The following FBXW8 variants were observed in gnomAD, a reference collection of about 807,000 sequenced individuals.
FBXW8 encodes F-box/WD repeat-containing protein 8.
A neutral mutation model predicts 65.3 loss-of-function variants in FBXW8; 57 were observed. That is an observed-to-expected ratio of 0.87 (90% CI 0.71 to 1.09). The LOEUF (loss-of-function observed/expected upper bound fraction) is 1.09. Among genes scored for constraint, FBXW8 ranks in the 50% least tolerant of loss-of-function variants. The probability of loss-of-function intolerance (pLI) is 0.00; values close to 1 mark genes in which losing one functional copy is unlikely to be tolerated. For missense variants in FBXW8, 777 were observed against 814.8 expected (o/e 0.95, Z 0.57); for synonymous variants, 308 against 330.2 (o/e 0.93, Z 0.73).
chr12:117,028,785 TTG>T lies in FBXW8; in HGVS notation c.*617_*618del, dbSNP rs1954297841. The stretch of plus-strand genomic sequence containing the variant: ...TCATCAATGACTATTTTGCTTACTA[TTG>T]TGTCTATGATATGTGATACAAAGCA... On this transcript the variant is annotated 3_prime_UTR_variant, in exon 11 of 11. Coordinates refer to ENST00000652555, the MANE Select transcript of FBXW8 (RefSeq NM_153348.3). The surrounding 1 kb of genome is among the most constrained non-coding windows in gnomAD (Gnocchi z 4.1). 1.3e-5 allele frequency: 2 copies of T among 153,248 alleles called. No individual in the cohort carries two copies. Among genetic ancestry groups the T allele is most frequent in the Admixed American group, 1.3e-4 (2 of 15,468 alleles). 9.5% of individuals were successfully genotyped at this position (153,248 alleles called of 1,614,324 possible).
intron 4 of FBXW8, among the ~76,000 whole-genome samples, chr12:116,954,153 A>G (rs575413447): frequency 4.8e-4 from 72 of 151,514 alleles, no homozygotes; most frequent in Non-Finnish European, 9.0e-4. Context: ...AGTGGTAAAA[A>G]CCATGTTGTT....
intron 8 of FBXW8, among the ~76,000 whole-genome samples, chr12:117,018,702 T>C (rs2135718989): frequency 6.6e-6 from 1 of 152,358 alleles, no homozygotes; most frequent in African/African-American, 2.4e-5. Flanking sequence ...TATTTTTTTT[T>C]CCTTAGTGAT....
chr12:117,020,887 G>T (rs963965174), intron 8 of FBXW8, among the ~76,000 whole-genome samples: 14 of 152,184 alleles, frequency 9.2e-5, no homozygotes, highest in African/African-American at 3.4e-4. Flanking sequence ...TTTTACAGTG[G>T]AACTGTCAAC....
At chr12:116,916,667 G>C (rs1880435915) in intron 1 of FBXW8, among the ~76,000 whole-genome samples, 1 of 152,150 alleles carries the variant, frequency 6.6e-6, no homozygotes, top group African/African-American at 2.4e-5. Flanking sequence ...GGGAGTTGAG[G>C]CAGGAGGATC....
intron 8 of FBXW8, among the ~76,000 whole-genome samples, chr12:117,012,917 A>T (rs538838278): frequency 6.6e-6 from 1 of 152,314 alleles, no homozygotes; most frequent in South Asian, 2.1e-4. Flanking sequence ...GTAGTTTGCA[A>T]ACATGGGTGG....
At chr12:116,945,621 A>G (rs1240588360) in intron 3 of FBXW8, 93 bp downstream of exon 3, 7 of 1,303,606 alleles carry the variant, frequency 5.4e-6, no homozygotes, top group Non-Finnish European at 7.5e-6. Context: ...TTAATTGCCA[A>G]CAGCGAAGGG....
chr12:117,007,613 G>C (rs537180746), intron 7 of FBXW8, among the ~76,000 whole-genome samples: 2 of 152,262 alleles, frequency 1.3e-5, no homozygotes, highest in South Asian at 4.2e-4. Context: ...TTTGTGCTGG[G>C]GTAGGTTTTT....
intron 2 of FBXW8, among the ~76,000 whole-genome samples, chr12:116,931,799 A>C (rs955651067): frequency 1.6e-4 from 24 of 152,148 alleles, no homozygotes; most frequent in Non-Finnish European, 3.2e-4. Flanking sequence ...GTCTGTAAAC[A>C]GGAACAGATT....
intron 4 of FBXW8, among the ~76,000 whole-genome samples, chr12:116,956,349 T>G (rs1318609012): frequency 6.6e-6 from 1 of 152,176 alleles, no homozygotes; most frequent in Non-Finnish European, 1.5e-5. Flanking sequence ...CCATTTTTGC[T>G]TCATTCCTTT....
intron 7 of FBXW8, among the ~76,000 whole-genome samples, chr12:116,994,476 A>G (rs909525970): frequency 2.0e-5 from 3 of 152,062 alleles, no homozygotes; most frequent in Non-Finnish European, 4.4e-5. Context: ...ACTCCTTCCC[A>G]CTCCCTCCAA....
intron 3 of FBXW8, 135 bp from the exon 4 acceptor site, chr12:116,949,483 G>A (rs1475257354): frequency 4.2e-6 from 3 of 719,888 alleles, no homozygotes; most frequent in Admixed American, 4.2e-5. Flanking sequence ...CTTTTTGAAT[G>A]CCCATGGAAC....
intron 8 of FBXW8, among the ~76,000 whole-genome samples, chr12:117,023,203 C>T (rs1310395318): frequency 6.6e-6 from 1 of 152,174 alleles, no homozygotes; most frequent in African/African-American, 2.4e-5. Flanking sequence ...GGGCACGGGA[C>T]ATGTTTCAGA....
intron 5 of FBXW8, among the ~76,000 whole-genome samples, chr12:116,970,707 C>G (rs1288521361): frequency 6.6e-6 from 1 of 152,204 alleles, no homozygotes; most frequent in Non-Finnish European, 1.5e-5. Flanking sequence ...CAGTAAACAA[C>G]TACCCCCCTG....
chr12:117,028,085 C>T lies in FBXW8; in HGVS notation c.1710C>T (p.Ser570=), dbSNP rs1954278957. The T allele has an allele frequency of 2.5e-6, 4 of 1,614,028 alleles. No individual in the cohort carries two copies. The highest frequency in any genetic ancestry group is 3.4e-6 in the Non-Finnish European group (4 of 1,180,032). ...CGGTGGACCAGCTGGCCTTCCAGAG[C>T]CCTCTCCCTGTCTGCCGTTCATCCT... ...EFAVDQLAFQ[S]PLPVCRSSCD... is the part of the protein sequence containing the mutation. Residue 570 remains serine, a synonymous_variant, in exon 11 of 11, where the codon AGC becomes AGT. Transcript: ENST00000652555. This position sits in a 1 kb window ranked among gnomAD's most constrained non-coding sequence, Gnocchi z 4.1.
rs1409098362 is a variant in FBXW8 at position 117,017,114 on chromosome 12, AT to A, written c.1367+6665del. 2.0e-5 allele frequency among the ~76,000 whole-genome samples: 3 copies of A among 152,390 alleles called. No individual in the cohort carries two copies. In the East Asian group the frequency reaches 5.8e-4, roughly 29 times the overall value. On this transcript the variant is annotated intron_variant, in intron 8 of 10. Transcript: ENST00000652555. ...GGCATGTTGAATAGTGTCACTGTAT[AT>A]GAAAGTAACAGTATGGATGTAGGAA...
At chr12:117,004,499 G>A (rs12299065) in intron 7 of FBXW8, among the ~76,000 whole-genome samples, 26,509 of 152,128 alleles carry the variant, frequency 0.17, 2,776 homozygotes, top group African/African-American at 0.3. Context: ...AAGGTACTGG[G>A]AGGTATGTTA....
chr12:116,986,509 T>TC (rs1183771339), intron 6 of FBXW8: 1 of 151,692 alleles, frequency 6.6e-6, no homozygotes, highest in Non-Finnish European at 1.5e-5. Context: ...GCGCCTGTAG[T>TC]CCCAGCTACT....
At chr12:117,010,272 T>G (rs111657298) in intron 7 of FBXW8, 51 bp from the exon 8 acceptor site, 1 of 1,611,934 alleles carries the variant, frequency 6.2e-7, no homozygotes, top group African/African-American at 1.3e-5. Flanking sequence ...GTATTTGATG[T>G]CGGCCTGGTG....
At chr12:116,921,876 C>A (rs1398029772) in intron 1 of FBXW8, among the ~76,000 whole-genome samples, 1 of 130,502 alleles carries the variant, frequency 7.7e-6, no homozygotes, top group Non-Finnish European at 1.5e-5. Context: ...TTTGCCTAGG[C>A]TGGAGTGCAG....
Sources: allele counts gnomAD v4.1 joint callset (sites outside exome capture counted in the v4.1 genomes callset), GRCh38; gene constraint gnomAD v4.1.1; non-coding constraint Gnocchi (gnomAD v3.1); transcripts MANE v1.5; gene names NCBI Gene and HGNC (gene_info 2026-07-23, HGNC 2026-07-21).